Variants in MRLN observed in about 807,000 individuals in gnomAD.
The protein encoded by MRLN is myoregulin.
Position 59,751,669 on chromosome 10 carries a change from CA to C in MRLN, c.-125+1684del, listed in dbSNP as rs10652105. On this transcript the variant is annotated intron_variant, in intron 1 of 2. Coordinates refer to ENST00000414264, the MANE Select transcript of MRLN (RefSeq NM_001304731.2). ...TGGGTGACAGAGTAAGACTCTGTCT[CA>C]AAAAAAAAAAAAAAAAAAAAGTGAT... Among the ~76,000 whole-genome samples the C allele has an allele frequency of 2.7e-4, 22 of 82,400 alleles. No homozygotes were observed. In the East Asian group the frequency reaches 2.8e-3, roughly 11 times the overall value. The allele number at this position is 82,400 out of a possible 152,430, so 54.1% of individuals were successfully genotyped here. A position where few individuals can be genotyped will look rare whatever the true frequency, so the allele number is the denominator to read the frequency against.
intron 1 of MRLN, among the ~76,000 whole-genome samples, chr10:59,743,674 G>A (rs1004908138): frequency 6.6e-6 from 1 of 151,906 alleles, no homozygotes; most frequent in African/African-American, 2.4e-5. Context: ...TTCCCCCTCC[G>A]CCTCCCCCTC....
At chr10:59,743,780 T>C (rs935847639) in intron 1 of MRLN, among the ~76,000 whole-genome samples, 1 of 152,146 alleles carries the variant, frequency 6.6e-6, no homozygotes, top group African/African-American at 2.4e-5. Flanking sequence ...TTCTCCTGCC[T>C]CAGCCTGCCG....
intron 1 of MRLN, among the ~76,000 whole-genome samples, chr10:59,744,493 G>C (rs1841021492): frequency 6.7e-6 from 1 of 150,144 alleles, no homozygotes; most frequent in Non-Finnish European, 1.5e-5. Context: ...GAGGTGGGGG[G>C]CAGCCCCCGC....
intron 1 of MRLN, chr10:59,739,157 C>T (rs1840955417): frequency 6.6e-6 from 1 of 151,938 alleles, no homozygotes; most frequent in Admixed American, 6.6e-5. Flanking sequence ...AAATAATTCC[C>T]TAAAAATTGT....
At chr10:59,745,484 T>TCCCCCC (rs1271295738) in intron 1 of MRLN, among the ~76,000 whole-genome samples, 2 of 125,086 alleles carry the variant, frequency 1.6e-5, no homozygotes, top group East Asian at 2.3e-4. Context: ...GGCAAATAAT[T>TCCCCCC]CCCCCCCCCA....
chr10:59,749,607 T>C (rs1841078427), intron 1 of MRLN, among the ~76,000 whole-genome samples: 2 of 151,094 alleles, frequency 1.3e-5, no homozygotes. Flanking sequence ...AGCACAAGAG[T>C]CGCTTGAACC....
intron 1 of MRLN, chr10:59,744,390 T>A (rs1430921348): frequency 6.7e-6 from 1 of 150,088 alleles, no homozygotes; most frequent in Non-Finnish European, 1.5e-5. Context: ...TCTGACCAGC[T>A]GCTCCGTCTG....
At chr10:59,744,480 C>T (rs868686217) in intron 1 of MRLN, among the ~76,000 whole-genome samples, 10 of 150,150 alleles carry the variant, frequency 6.7e-5, no homozygotes, top group Admixed American at 3.3e-4. Context: ...CCGCCCCGTC[C>T]GGGAGGTGGG....
chr10:59,742,742 C>T (rs1486096534), intron 1 of MRLN, among the ~76,000 whole-genome samples: 3 of 150,462 alleles, frequency 2.0e-5, no homozygotes, highest in Non-Finnish European at 3.0e-5. Context: ...TTCTTGCTTG[C>T]TTTCTTTCGA....
In MRLN at chr10:59,747,085, C is replaced by T. The variant is rs551557151; in HGVS notation, c.-125+6269G>A. ...AAAGTGCTGGGATTACAGGCGTGAGCCACTGCTCCCAGCTAAAAGTACAGT... is the reference window on the plus strand; with the variant it reads ...AAAGTGCTGGGATTACAGGCGTGAGTCACTGCTCCCAGCTAAAAGTACAGT... On this transcript the variant is annotated intron_variant, in intron 1 of 2. Coordinates refer to ENST00000414264, the MANE Select transcript of MRLN (RefSeq NM_001304731.2). Among the ~76,000 whole-genome samples, 3 of 152,340 alleles carry T rather than the reference C, an allele frequency of 2.0e-5. No individual in the cohort carries two copies. In the East Asian group the frequency reaches 5.8e-4, roughly 29 times the overall value.
intron 1 of MRLN, among the ~76,000 whole-genome samples, chr10:59,743,817 G>A (rs1328969157): frequency 7.9e-5 from 12 of 152,084 alleles, no homozygotes; most frequent in Admixed American, 3.3e-4. Context: ...GGTGCGCGCC[G>A]CCACGCCTGA....
At chr10:59,752,680 T>C (rs2070171191) in intron 1 of MRLN, among the ~76,000 whole-genome samples, 1 of 152,226 alleles carries the variant, frequency 6.6e-6, no homozygotes, top group African/African-American at 2.4e-5. Context: ...TTAACCCTGC[T>C]CAAGAGAACC....
chr10:59,748,915 G>A (rs1342858018), intron 1 of MRLN, among the ~76,000 whole-genome samples: 4 of 152,162 alleles, frequency 2.6e-5, no homozygotes, highest in Non-Finnish European at 4.4e-5. Context: ...GGCAGGTCAG[G>A]GCCACAAGGC....
At chr10:59,746,816 T>C (rs928742695) in intron 1 of MRLN, among the ~76,000 whole-genome samples, 2 of 152,238 alleles carry the variant, frequency 1.3e-5, no homozygotes, top group African/African-American at 4.8e-5. Context: ...ACAGTTTTTT[T>C]GTTTTTGCTC....
intron 1 of MRLN, among the ~76,000 whole-genome samples, chr10:59,751,751 G>A (rs1005846892): frequency 6.6e-6 from 1 of 150,696 alleles, no homozygotes; most frequent in Non-Finnish European, 1.5e-5. Flanking sequence ...TATAGACCCC[G>A]TTTTAGGTTA....
rs180880125 is a variant in MRLN, at chr10:59,752,559, T to C, written c.-125+795A>G. Among the ~76,000 whole-genome samples the C allele has an allele frequency of 1.5e-3, 232 of 152,320 alleles. 3 individuals are homozygous for C. The highest frequency in any genetic ancestry group is 9.6e-4 in the East Asian group (5 of 5,186). ...TTCCAGTTCCCTGTCATGCTTCCCT[T>C]ACACATTTTATTTAGAAGCCTGGTG... On this transcript the variant is annotated intron_variant, in intron 1 of 2. Coordinates refer to ENST00000414264, the MANE Select transcript of MRLN (RefSeq NM_001304731.2).
At position 59,738,471 on chromosome 10, in the gene MRLN, C is replaced by G. The variant is rs1383431970; in HGVS notation, c.-33G>C. ...ACCCATTTCTCACCTGAATTAATCC[C>G]AGGTAGTGGTAGGTAACACGGCTTC... On this transcript the variant is annotated 5_prime_UTR_variant, in exon 2 of 3. Transcript: ENST00000414264. 1.3e-5 allele frequency: 2 copies of G among 152,122 alleles called. No homozygotes were observed. The highest frequency in any genetic ancestry group is 2.9e-5 in the Non-Finnish European group (2 of 68,044). 9.4% of individuals were successfully genotyped at this position (152,122 alleles called of 1,614,324 possible).
At chr10:59,750,135 C>T (rs1036215561) in intron 1 of MRLN, among the ~76,000 whole-genome samples, 2 of 125,450 alleles carry the variant, frequency 1.6e-5, no homozygotes, top group Admixed American at 1.0e-4. Flanking sequence ...TGCAATGGCA[C>T]AATCTTGGCT....
intron 1 of MRLN, among the ~76,000 whole-genome samples, chr10:59,746,519 A>G (rs539528499): frequency 2.1e-4 from 32 of 152,316 alleles, no homozygotes; most frequent in Admixed American, 1.8e-3. Context: ...AAAGATCTAC[A>G]TTATAATGGA....
Sources: allele counts gnomAD v4.1 joint callset (sites outside exome capture counted in the v4.1 genomes callset), GRCh38; gene constraint gnomAD v4.1.1; transcripts MANE v1.5; gene names NCBI Gene and HGNC (gene_info 2026-07-23, HGNC 2026-07-21).